Variants in SLIT1 observed in about 807,000 individuals in gnomAD.
SLIT1 encodes slit homolog 1 protein.
A neutral mutation model predicts 186.1 loss-of-function variants in SLIT1; 66 were observed. The observed-to-expected ratio is 0.35, with a 90% CI of 0.29 to 0.44. SLIT1 has a LOEUF of 0.44. SLIT1 is among the 20% of genes least tolerant of loss of function. The probability of loss-of-function intolerance (pLI) is 1.00; values close to 1 mark genes in which losing one functional copy is unlikely to be tolerated. For synonymous variants in SLIT1, 761 were observed against 833.8 expected (o/e 0.91, Z 1.50); for missense variants, 1,638 against 2,037.4 (o/e 0.80, Z 3.77).
At chr10:97,166,630 G>GAA (rs1850122960) in intron 1 of SLIT1, among the ~76,000 whole-genome samples, 1 of 121,152 alleles carries the variant, frequency 8.3e-6, no homozygotes, top group African/African-American at 3.1e-5. Flanking sequence ...AAAGAGAAAA[G>GAA]AAAAGAAAAG....
At chr10:97,009,305 T>C (rs1030733622) in intron 31 of SLIT1, among the ~76,000 whole-genome samples, 3 of 152,232 alleles carry the variant, frequency 2.0e-5, no homozygotes, top group African/African-American at 7.2e-5. Flanking sequence ...TACAGATTAA[T>C]GGAATAGAAC....
At chr10:97,047,166 G>T in intron 16 of SLIT1, 101 bp from the exon 17 acceptor site, 1 of 779,862 alleles carries the variant, frequency 1.3e-6, no homozygotes, top group African/African-American at 1.7e-5. Context: ...AAGACTCCCA[G>T]AAGAATTTAT....
At chr10:97,144,165 T>C (rs894485839) in intron 4 of SLIT1, among the ~76,000 whole-genome samples, 10 of 150,160 alleles carry the variant, frequency 6.7e-5, no homozygotes, top group African/African-American at 2.5e-4. Flanking sequence ...ACCATTGCAC[T>C]CCAGTCTAGG....
intron 4 of SLIT1, among the ~76,000 whole-genome samples, chr10:97,132,466 G>A (rs1350334724): frequency 6.6e-6 from 1 of 152,134 alleles, no homozygotes; most frequent in Non-Finnish European, 1.5e-5. Context: ...CATGCAACAG[G>A]TGCCTGTCCA....
intron 4 of SLIT1, among the ~76,000 whole-genome samples, chr10:97,114,710 C>T (rs950958667): frequency 3.3e-5 from 5 of 152,128 alleles, no homozygotes; most frequent in African/African-American, 1.2e-4. Context: ...TACCTGGATA[C>T]TTAGGGTCAT....
intron 4 of SLIT1, among the ~76,000 whole-genome samples, chr10:97,071,591 G>A (rs866462375): frequency 1.3e-5 from 2 of 152,304 alleles, no homozygotes; most frequent in Middle Eastern, 6.8e-3. Flanking sequence ...GAAAAATGAG[G>A]CACAGAGAAG....
chr10:97,047,057 T>C lies in SLIT1; in HGVS notation c.1643A>G (p.Asn548Ser). 1.9e-6 allele frequency: 3 copies of C among 1,605,686 alleles called. No homozygotes were observed. The highest frequency in any genetic ancestry group is 3.3e-4 in the Middle Eastern group (2 of 6,040). ...CTCCAGGATGGAAATCTCATTGTTA[T>C]TCAATCGCCTGTAAGAGACAAGAAT... ...IPQSTAELRLNNNEISILEAT... is the reference protein window; with the variant it reads ...IPQSTAELRLSNNEISILEAT... Residue 548 changes from asparagine (N) to serine (S), a missense_variant, in exon 17 of 37, where the codon AAT becomes AGT. Physicochemically the swap from Asn to Ser is conservative, Grantham distance 46. Coordinates refer to ENST00000266058, the MANE Select transcript of SLIT1 (RefSeq NM_003061.3).
chr10:97,102,283 T>A (rs538045699), intron 4 of SLIT1: 11 of 151,848 alleles, frequency 7.2e-5, no homozygotes, highest in African/African-American at 2.7e-4. Context: ...TTCCCAAGCA[T>A]GGCGGCGAGC....
At chr10:97,089,296 G>A (rs774108181) in intron 4 of SLIT1, among the ~76,000 whole-genome samples, 3 of 152,370 alleles carry the variant, frequency 2.0e-5, no homozygotes, top group Admixed American at 6.5e-5. Flanking sequence ...CCCCACGACT[G>A]GGGGTGAGGC....
In SLIT1 at chr10:97,000,981, C is replaced by T; in HGVS notation, c.*131G>A. 2.9e-6 allele frequency: 2 copies of T among 699,422 alleles called. No individual in the cohort carries two copies. The highest frequency in any genetic ancestry group is 4.8e-6 in the Non-Finnish European group (2 of 419,584). 43.3% of individuals were successfully genotyped at this position (699,422 alleles called of 1,614,324 possible). A position where few individuals can be genotyped will look rare whatever the true frequency, so the allele number is the denominator to read the frequency against. ...AAAGGCTGCTCTGGCACCACCCCAC[C>T]CAGGAGGGCCCAGCTGCCCAGGAGC... On this transcript the variant is annotated 3_prime_UTR_variant, in exon 37 of 37. Coordinates refer to ENST00000266058, the MANE Select transcript of SLIT1 (RefSeq NM_003061.3).
Position 97,022,005 on chromosome 10 carries a change from G to A in SLIT1, c.2583-592C>T, listed in dbSNP as rs2134601606. Among the ~76,000 whole-genome samples the A allele has an allele frequency of 6.6e-6, 1 of 152,352 alleles. No homozygotes were observed. Among genetic ancestry groups the A allele is most frequent in the Admixed American group, 6.5e-5 (1 of 15,306 alleles). On this transcript the variant is annotated intron_variant, in intron 25 of 36. Coordinates refer to ENST00000266058, the MANE Select transcript of SLIT1 (RefSeq NM_003061.3). This position sits in a 1 kb window ranked among gnomAD's most constrained non-coding sequence, Gnocchi z 4.2. ...AGATCACACAGAGAAACGGGAAGCT[G>A]TTGGGGCCATGCTGTTGGGGCCAGA...
At position 97,010,869 on chromosome 10, in the gene SLIT1, C is replaced by T. The variant is rs1038614779; in HGVS notation, c.3341+124G>A. Reference sequence around the variant, plus strand: ...GTGACTGGCAGAGCCACGGTTAAAACCCCAGCATCCAACTTCCAGGCTCTG... The same window carrying T: ...GTGACTGGCAGAGCCACGGTTAAAATCCCAGCATCCAACTTCCAGGCTCTG... On this transcript the variant is annotated intron_variant, in intron 31 of 36. Coordinates refer to ENST00000266058, the MANE Select transcript of SLIT1 (RefSeq NM_003061.3). This position sits in a 1 kb window ranked among gnomAD's most constrained non-coding sequence, Gnocchi z 4.8. 1 of 909,732 alleles carries T rather than the reference C, an allele frequency of 1.1e-6. No homozygotes were observed. The highest frequency in any genetic ancestry group is 1.7e-6 in the Non-Finnish European group (1 of 601,656). The allele number at this position is 909,732 out of a possible 1,614,324, so 56.4% of individuals were successfully genotyped here.
intron 4 of SLIT1, among the ~76,000 whole-genome samples, chr10:97,140,290 C>G (rs1179651564): frequency 6.6e-6 from 1 of 152,168 alleles, no homozygotes. Flanking sequence ...TAACTGTCAC[C>G]AGCCCACACT....
chr10:97,072,680 G>T (rs1176034247), intron 4 of SLIT1, among the ~76,000 whole-genome samples: 2 of 152,192 alleles, frequency 1.3e-5, no homozygotes, highest in African/African-American at 4.8e-5. Context: ...GGGGCCCCAG[G>T]AGAGGCCAGA....
chr10:97,107,049 A>T (rs1425706890), intron 4 of SLIT1, among the ~76,000 whole-genome samples: 5 of 152,258 alleles, frequency 3.3e-5, no homozygotes, highest in Non-Finnish European at 7.3e-5. Context: ...CTGAGCTATC[A>T]GTCACAATGC....
intron 4 of SLIT1, among the ~76,000 whole-genome samples, chr10:97,141,790 C>T (rs1172713224): frequency 3.3e-5 from 5 of 149,924 alleles, no homozygotes; most frequent in African/African-American, 7.4e-5. Flanking sequence ...TTGTATTGTA[C>T]TGTATTGTAT....
chr10:97,033,050 C>CTT (rs71007311), intron 23 of SLIT1, among the ~76,000 whole-genome samples: 238 of 139,786 alleles, frequency 1.7e-3, no homozygotes, highest in African/African-American at 4.6e-3. Flanking sequence ...TTCTTTCTTT[C>CTT]TTTTTTTTTT....
chr10:97,049,168 C>G, intron 13 of SLIT1, 50 bp from the exon 14 acceptor site: 1 of 1,579,372 alleles, frequency 6.3e-7, no homozygotes, highest in Non-Finnish European at 8.6e-7. Context: ...TGCAAACCCG[C>G]GCTGACCTCC....
At chr10:97,174,723 C>T (rs1348472385) in intron 1 of SLIT1, among the ~76,000 whole-genome samples, 1 of 152,160 alleles carries the variant, frequency 6.6e-6, no homozygotes, top group Admixed American at 6.5e-5. Flanking sequence ...CTCAGAGGCT[C>T]CTTGTCAGTC....
Sources: allele counts gnomAD v4.1 joint callset (sites outside exome capture counted in the v4.1 genomes callset), GRCh38; gene constraint gnomAD v4.1.1; non-coding constraint Gnocchi (gnomAD v3.1); transcripts MANE v1.5; gene names NCBI Gene and HGNC (gene_info 2026-07-23, HGNC 2026-07-21).